The following CDH4 variants were observed in gnomAD, a reference collection of about 807,000 sequenced individuals.
CDH4 encodes cadherin-4.
In CDH4, 33 loss-of-function variants were observed where a neutral mutation model predicts 86.0. The ratio of observed to expected loss-of-function variants is 0.38; its 90% confidence interval spans 0.29 to 0.51. The LOEUF (loss-of-function observed/expected upper bound fraction) is 0.51, where lower values mean the gene tolerates loss of function less well. CDH4 is among the 20% of genes least tolerant of loss of function. The probability of loss-of-function intolerance (pLI) is 0.86; values close to 1 mark genes in which losing one functional copy is unlikely to be tolerated. For synonymous variants in CDH4, 555 were observed against 549.4 expected, an observed-to-expected ratio of 1.01 and a Z score of -0.14; for missense variants, 1,114 against 1,307.4, an observed-to-expected ratio of 0.85 and a Z score of 2.28.
chr20:61,853,019 C>T (rs78737566), intron 6 of CDH4, 121 bp downstream of exon 6: 10,762 of 1,010,010 alleles, frequency 0.011, 84 homozygotes, highest in Non-Finnish European at 0.013. Flanking sequence ...GGGACTTGGG[C>T]GCAGACACAC....
chr20:61,543,871 G>A (rs1320087247), intron 2 of CDH4, among the ~76,000 whole-genome samples: 1 of 152,210 alleles, frequency 6.6e-6, no homozygotes, highest in Admixed American at 6.5e-5. Flanking sequence ...GAGCTGGCAG[G>A]TGGCCCTCCT....
At chr20:61,545,933 AG>A (rs1366674033) in intron 2 of CDH4, among the ~76,000 whole-genome samples, 7 of 32,480 alleles carry the variant, frequency 2.2e-4, no homozygotes, top group African/African-American at 5.1e-4. Context: ...GCATGTGTGG[AG>A]GGGGTATGTG....
intron 2 of CDH4, among the ~76,000 whole-genome samples, chr20:61,276,840 G>A (rs570724187): frequency 6.6e-6 from 1 of 152,224 alleles, no homozygotes; most frequent in Admixed American, 6.5e-5. Context: ...CTGTTATTGG[G>A]GTTTTACTTC....
intron 2 of CDH4, among the ~76,000 whole-genome samples, chr20:61,496,347 T>A (rs865983024): frequency 2.7e-5 from 4 of 150,094 alleles, no homozygotes; most frequent in African/African-American, 7.4e-5. Context: ...GAGGCTGCAG[T>A]GAGCCGATCA....
intron 2 of CDH4, among the ~76,000 whole-genome samples, chr20:61,284,578 T>G (rs573729415): frequency 1.1e-4 from 16 of 152,230 alleles, no homozygotes; most frequent in Non-Finnish European, 2.2e-4. Flanking sequence ...GTTTAACATA[T>G]GCCCAACACA....
At chr20:61,923,957 C>T (rs910704518) in intron 10 of CDH4, among the ~76,000 whole-genome samples, 2 of 152,210 alleles carry the variant, frequency 1.3e-5, no homozygotes, top group Non-Finnish European at 2.9e-5. Flanking sequence ...CACAGGCCGG[C>T]CCGATCCTGG....
intron 4 of CDH4, among the ~76,000 whole-genome samples, chr20:61,808,716 G>A (rs186774972): frequency 5.1e-4 from 77 of 152,328 alleles, no homozygotes; most frequent in African/African-American, 1.7e-3. Flanking sequence ...AGCTGCTCCC[G>A]TCCAACCCGC....
At chr20:61,580,502 T>A (rs1037133281) in intron 2 of CDH4, among the ~76,000 whole-genome samples, 2 of 152,108 alleles carry the variant, frequency 1.3e-5, no homozygotes, top group African/African-American at 4.8e-5. Flanking sequence ...AAAAATTGCA[T>A]GTGTTTTTTG....
rs1209717312 is a variant in CDH4, at chr20:61,807,914, C to T, written c.576+34732C>T. Among the ~76,000 whole-genome samples the T allele has an allele frequency of 1.3e-5, 2 of 152,178 alleles. No individual in the cohort carries two copies. Among genetic ancestry groups the T allele is most frequent in the African/African-American group, 4.8e-5 (2 of 41,446 alleles). ...TGGGCCTGGCGGGATGCAGGCACAG[C>T]GCGATCCAGCACAGTGCTGGGTGGT... On this transcript the variant is annotated intron_variant, in intron 4 of 15. Coordinates refer to ENST00000614565, the MANE Select transcript of CDH4 (RefSeq NM_001794.5). The surrounding 1 kb of genome is among the most constrained non-coding windows in gnomAD (Gnocchi z 4.5).
At chr20:61,545,069 G>A (rs891742134) in intron 2 of CDH4, among the ~76,000 whole-genome samples, 2 of 152,168 alleles carry the variant, frequency 1.3e-5, no homozygotes, top group Non-Finnish European at 1.5e-5. Flanking sequence ...CGCTTCTGTG[G>A]GTCTGACGCG....
chr20:61,803,197 A>AC (rs10622443), intron 4 of CDH4, among the ~76,000 whole-genome samples: 1 of 151,834 alleles, frequency 6.6e-6, no homozygotes, highest in African/African-American at 2.4e-5. Flanking sequence ...GGACGGGCTG[A>AC]GGTCTTCCTC....
intron 2 of CDH4, among the ~76,000 whole-genome samples, chr20:61,573,975 C>T (rs937822068): frequency 6.6e-6 from 1 of 152,192 alleles, no homozygotes; most frequent in Non-Finnish European, 1.5e-5. Context: ...GCTGCAGCTC[C>T]TGAATCCAGC....
chr20:61,922,663 G>A (rs945259465), intron 9 of CDH4, among the ~76,000 whole-genome samples: 9 of 152,228 alleles, frequency 5.9e-5, no homozygotes, highest in East Asian at 1.9e-4. Context: ...CCTCTCTCCC[G>A]TTTCTTGGCC....
At chr20:61,337,819 CAAT>C (rs1261580017) in intron 2 of CDH4, among the ~76,000 whole-genome samples, 1 of 152,120 alleles carries the variant, frequency 6.6e-6, no homozygotes, top group African/African-American at 2.4e-5. Context: ...GTGCCCGCAC[CAAT>C]CATTTGCCCT....
Position 61,517,055 on chromosome 20 carries a change from G to T in CDH4, c.170-226508G>T, listed in dbSNP as rs1483724378. Among the ~76,000 whole-genome samples the T allele has an allele frequency of 6.6e-6, 1 of 152,204 alleles. No individual in the cohort carries two copies. The highest frequency in any genetic ancestry group is 1.5e-5 in the Non-Finnish European group (1 of 68,036). On this transcript the variant is annotated intron_variant, in intron 2 of 15. Transcript: ENST00000614565. The surrounding 1 kb of genome is among the most constrained non-coding windows in gnomAD (Gnocchi z 6.6). ...CAGAGCCCAGTGTGGCCAGCACCCA[G>T]CTTGAGTCACACTCCATCTGCCCTT...
At chr20:61,912,028 C>G (rs1374434633) in intron 9 of CDH4, among the ~76,000 whole-genome samples, 1 of 152,208 alleles carries the variant, frequency 6.6e-6, no homozygotes, top group Non-Finnish European at 1.5e-5. Context: ...TGCTTCTATC[C>G]TCTGCTCTGC....
intron 2 of CDH4, among the ~76,000 whole-genome samples, chr20:61,274,246 TAC>T (rs1282066998): frequency 8.3e-6 from 1 of 119,908 alleles, no homozygotes; most frequent in East Asian, 2.8e-4. Context: ...GAGTACCATG[TAC>T]AGTTTGGGGG....
chr20:61,814,196 G>A (rs995382262), intron 4 of CDH4, among the ~76,000 whole-genome samples: 1 of 152,188 alleles, frequency 6.6e-6, no homozygotes, highest in Non-Finnish European at 1.5e-5. Context: ...CACTTTGTAG[G>A]CAGTGAGGCC....
At chr20:61,911,970 G>A (rs1048288588) in intron 9 of CDH4, among the ~76,000 whole-genome samples, 1 of 152,194 alleles carries the variant, frequency 6.6e-6, no homozygotes, top group African/African-American at 2.4e-5. Flanking sequence ...GTCTGAGGTG[G>A]GCAGTTGGGG....
Sources: allele counts gnomAD v4.1 joint callset (sites outside exome capture counted in the v4.1 genomes callset), GRCh38; gene constraint gnomAD v4.1.1; non-coding constraint Gnocchi (gnomAD v3.1); transcripts MANE v1.5; gene names NCBI Gene and HGNC (gene_info 2026-07-23, HGNC 2026-07-21).